The following GPR137C variants were observed in gnomAD, a reference collection of about 807,000 sequenced individuals.
The protein encoded by GPR137C is G protein-coupled receptor 137C.
Under a neutral mutation model 43.4 loss-of-function variants are expected in GPR137C, and 27 were observed. The ratio of observed to expected loss-of-function variants is 0.62; its 90% CI spans 0.46 to 0.86. The LOEUF is 0.86. Ranked by LOEUF, GPR137C falls within the 40% of genes least tolerant of loss-of-function variation. The pLI, the probability that GPR137C is intolerant of heterozygous loss-of-function variation, is 0.00. For synonymous variants in GPR137C, 285 were observed against 226.9 expected (o/e 1.26, Z -2.30); for missense variants, 522 against 534.6 (o/e 0.98, Z 0.23).
At chr14:52,583,623 G>C (rs1435897335) in intron 1 of GPR137C, among the ~76,000 whole-genome samples, 1 of 152,002 alleles carries the variant, frequency 6.6e-6, no homozygotes, top group Non-Finnish European at 1.5e-5. Context: ...TGTCTTTTGT[G>C]GGAAAAATGA....
Position 52,553,434 on chromosome 14 carries a change from G to A in GPR137C, c.287G>A (p.Arg96Lys), listed in dbSNP as rs1185645985. The change falls in exon 1 of 7, where the codon AGG becomes AAG. Residue 96 changes from arginine (R) to lysine (K), a missense_variant. Around this residue, in one of 3 missense-constraint regions of GPR137C, gnomAD observed 437 missense variants for 425.7 expected, o/e 1.03. Coordinates refer to ENST00000321662, the MANE Select transcript of GPR137C (RefSeq NM_001099652.2). ...CTCTGTCTCCTGTGGGCAGCGCTCA[G>A]GACCACCCTCTTCTCCGCCGCCTTC... ...LFLCLLWAAL[R>K]TTLFSAAFSL... 1 of 1,609,190 alleles carries A rather than the reference G, an allele frequency of 6.2e-7. No homozygotes were observed. The highest frequency in any genetic ancestry group is 1.1e-5 in the South Asian group (1 of 91,084).
intron 3 of GPR137C, among the ~76,000 whole-genome samples, chr14:52,609,992 T>C (rs2039021626): frequency 6.6e-6 from 1 of 152,218 alleles, no homozygotes; most frequent in Non-Finnish European, 1.5e-5. Context: ...ACTAAGTTTA[T>C]TCCAGCCATA....
intron 1 of GPR137C, among the ~76,000 whole-genome samples, chr14:52,555,269 C>T (rs571052400): frequency 2.0e-5 from 3 of 152,130 alleles, no homozygotes; most frequent in South Asian, 2.1e-4. Flanking sequence ...AGTTGGTAGG[C>T]ATTTCATAAA....
At chr14:52,554,767 C>T (rs1460460806) in intron 1 of GPR137C, among the ~76,000 whole-genome samples, 1 of 151,428 alleles carries the variant, frequency 6.6e-6, no homozygotes, top group Admixed American at 6.6e-5. Flanking sequence ...CATAAACCAA[C>T]TCTTTTCTCC....
chr14:52,576,919 G>A (rs1405581603), intron 1 of GPR137C, among the ~76,000 whole-genome samples: 2 of 152,146 alleles, frequency 1.3e-5, no homozygotes, highest in Non-Finnish European at 2.9e-5. Flanking sequence ...GCTGGGCTCA[G>A]TGGCTCACAC....
intron 2 of GPR137C, among the ~76,000 whole-genome samples, chr14:52,599,012 A>C (rs961360418): frequency 3.9e-5 from 6 of 152,220 alleles, no homozygotes; most frequent in Non-Finnish European, 8.8e-5. Context: ...AACCATTTCC[A>C]AAGGCAGCTA....
At chr14:52,553,754 G>A (rs2038140055) in intron 1 of GPR137C, among the ~76,000 whole-genome samples, 163 bp downstream of exon 1, 1 of 152,182 alleles carries the variant, frequency 6.6e-6, no homozygotes, top group African/African-American at 2.4e-5. Flanking sequence ...CAGTGTTTTC[G>A]CCTTAAACTT....
chr14:52,569,385 C>T (rs913037268), intron 1 of GPR137C, among the ~76,000 whole-genome samples: 1 of 151,836 alleles, frequency 6.6e-6, no homozygotes, highest in Non-Finnish European at 1.5e-5. Flanking sequence ...TGCATCTACT[C>T]CTCCAAAGGA....
At chr14:52,611,883 G>T in intron 3 of GPR137C, 2 of 911,110 alleles carry the variant, frequency 2.2e-6, no homozygotes, top group Non-Finnish European at 2.6e-6. Flanking sequence ...ATATTACGTG[G>T]CACTAAAAAT....
intron 1 of GPR137C, among the ~76,000 whole-genome samples, chr14:52,580,026 GC>G (rs2038620299): frequency 6.6e-6 from 1 of 152,140 alleles, no homozygotes; most frequent in African/African-American, 2.4e-5. Context: ...CCAGCCACAG[GC>G]CAACTTTATA....
intron 3 of GPR137C, among the ~76,000 whole-genome samples, chr14:52,602,388 T>G (rs2038937494): frequency 6.6e-6 from 1 of 152,084 alleles, no homozygotes; most frequent in African/African-American, 2.4e-5. Flanking sequence ...ACCCTGTTTC[T>G]TGTCTTTAAG....
chr14:52,557,419 G>T (rs540197597), intron 1 of GPR137C, among the ~76,000 whole-genome samples: 1 of 152,216 alleles, frequency 6.6e-6, no homozygotes, highest in East Asian at 1.9e-4. Context: ...ACTAATTAAG[G>T]CTTTGCTAAT....
At position 52,611,905 on chromosome 14, in the gene GPR137C, C is replaced by T. The variant is rs1360946296; in HGVS notation, c.717+11564C>T. ...GTGGCACTAAAAATATAAATGTTGA[C>T]TCGCTATCATCTTCATCATCATATT... On this transcript the variant is annotated intron_variant, in intron 3 of 6. Coordinates refer to ENST00000321662, the MANE Select transcript of GPR137C (RefSeq NM_001099652.2). 6.1e-6 allele frequency: 6 copies of T among 978,682 alleles called. No homozygotes were observed. The Admixed American group carries it at 3.7e-4, about 60-fold the overall frequency. The allele number at this position is 978,682 out of a possible 1,614,324, so 60.6% of individuals were successfully genotyped here.
In GPR137C at chr14:52,635,338, T is replaced by C; in HGVS notation, c.*223T>C. ...AGTAGGAGAAAAGAGAGATTAGATC[T>C]TAAGGCACTTGATGGCCTCCAAAAA... On this transcript the variant is annotated 3_prime_UTR_variant, in exon 7 of 7. Coordinates refer to ENST00000321662, the MANE Select transcript of GPR137C (RefSeq NM_001099652.2). 1 of 382,002 alleles carries C rather than the reference T, an allele frequency of 2.6e-6. No individual in the cohort carries two copies. Among genetic ancestry groups the C allele is most frequent in the South Asian group, 5.5e-5 (1 of 18,254 alleles). The allele number at this position is 382,002 out of a possible 1,614,324, so 23.7% of individuals were successfully genotyped here. A position where few individuals can be genotyped will look rare whatever the true frequency, so the allele number is the denominator to read the frequency against.
chr14:52,590,393 G>T (rs1166155071), intron 1 of GPR137C, among the ~76,000 whole-genome samples: 3 of 152,152 alleles, frequency 2.0e-5, no homozygotes, highest in African/African-American at 2.4e-5. Context: ...GTTATAGTAA[G>T]CTGAGGTTAA....
At chr14:52,576,471 G>A (rs1457782259) in intron 1 of GPR137C, among the ~76,000 whole-genome samples, 2 of 151,952 alleles carry the variant, frequency 1.3e-5, no homozygotes, top group Non-Finnish European at 2.9e-5. Flanking sequence ...CTTTCCCTTT[G>A]GGTATATACC....
intron 1 of GPR137C, among the ~76,000 whole-genome samples, chr14:52,597,633 A>G (rs2038872352): frequency 6.6e-6 from 1 of 152,226 alleles, no homozygotes; most frequent in Admixed American, 6.5e-5. Context: ...AGAATAATTT[A>G]AAGTTCACCA....
intron 1 of GPR137C, among the ~76,000 whole-genome samples, chr14:52,574,858 T>G (rs923387834): frequency 6.6e-6 from 1 of 152,178 alleles, no homozygotes; most frequent in African/African-American, 2.4e-5. Flanking sequence ...GCCTCTGTCT[T>G]TACAAAAAGC....
At position 52,618,612 on chromosome 14, in the gene GPR137C, CTT is replaced by C. The variant is rs371201121; in HGVS notation, c.718-13544_718-13543del. 2.3e-3 allele frequency among the ~76,000 whole-genome samples: 347 copies of C among 152,040 alleles called. 3 individuals are homozygous for C. Among genetic ancestry groups the C allele is most frequent in the African/African-American group, 8.0e-3 (332 of 41,480 alleles). On this transcript the variant is annotated intron_variant, in intron 3 of 6. Coordinates refer to ENST00000321662, the MANE Select transcript of GPR137C (RefSeq NM_001099652.2). ...CATTTACTTTTTATCAGAATTATAA[CTT>C]TTTATCAGTTATAAATCAATGAAGT...
Sources: allele counts gnomAD v4.1 joint callset (sites outside exome capture counted in the v4.1 genomes callset), GRCh38; gene constraint gnomAD v4.1.1; regional missense constraint gnomAD v4.1.1; transcripts MANE v1.5; gene names NCBI Gene and HGNC (gene_info 2026-07-23, HGNC 2026-07-21).